TMEM94: variants seen among roughly 807,000 people sequenced by gnomAD.
TMEM94 encodes the protein ER Mg2+ ATPase.
A neutral mutation model predicts 158.6 loss-of-function variants in TMEM94; 81 were observed. That is an observed-to-expected ratio of 0.51 (90% CI 0.43 to 0.61). The LOEUF (loss-of-function observed/expected upper bound fraction) is 0.61, where lower values mean the gene tolerates loss of function less well. Among genes scored for constraint, TMEM94 ranks in the 20% least tolerant of loss-of-function variants. The pLI is 0.00. For missense variants in TMEM94, 1,435 were observed against 1,762.0 expected, an observed-to-expected ratio of 0.81 and a Z score of 3.32; for synonymous variants, 751 against 730.7, an observed-to-expected ratio of 1.03 and a Z score of -0.45.
In TMEM94 at chr17:75,493,667, A is replaced by G. The variant is rs764862693; in HGVS notation, c.2190-32A>G. ...GCACCTGCCCTTCACAGGCAGGAACACTCACCTCACCTCCGCCTGCTTCCC... is the reference window on the plus strand; with the variant it reads ...GCACCTGCCCTTCACAGGCAGGAACGCTCACCTCACCTCCGCCTGCTTCCC... On this transcript the variant is annotated intron_variant, in intron 17 of 31. Transcript: ENST00000314256. The G allele has an allele frequency of 1.2e-5, 20 of 1,612,788 alleles. No homozygotes were observed. In the East Asian group the frequency reaches 4.2e-4, roughly 34 times the overall value.
chr17:75,465,655 T>TATTTATATA (rs9302993), intron 1 of TMEM94, among the ~76,000 whole-genome samples: 92 of 98,850 alleles, frequency 9.3e-4, no homozygotes, highest in African/African-American at 3.8e-3. Flanking sequence ...ATAAGAATTT[T>TATTTATATA]TATATATATA....
intron 11 of TMEM94, 75 bp downstream of exon 11, chr17:75,490,833 C>A: frequency 7.3e-7 from 1 of 1,378,330 alleles, no homozygotes; most frequent in Non-Finnish European, 1.0e-6. Flanking sequence ...TATTTATGGC[C>A]TTAAAGCCTC....
At chr17:75,493,435 A>G in intron 16 of TMEM94, 56 bp from the exon 17 acceptor site, 1 of 1,546,460 alleles carries the variant, frequency 6.5e-7, no homozygotes, top group Non-Finnish European at 8.9e-7. Flanking sequence ...GTTGCCTGTC[A>G]GGTCAGCGTG....
In TMEM94 at chr17:75,499,852, G is replaced by A. The variant is rs2053126522; in HGVS notation, c.*518G>A. On this transcript the variant is annotated 3_prime_UTR_variant, in exon 32 of 32. Coordinates refer to ENST00000314256, the MANE Select transcript of TMEM94 (RefSeq NM_014738.6). ...GTGCCTCCCCTCCCTCCCTCTGTGG[G>A]GGAGTCTCCCGCCTGAACCTGAAGA... The A allele has an allele frequency of 6.3e-6, 1 of 158,394 alleles. No individual in the cohort carries two copies. The highest frequency in any genetic ancestry group is 5.9e-5 in the Admixed American group (1 of 16,886). 9.8% of individuals were successfully genotyped at this position (158,394 alleles called of 1,614,324 possible).
At chr17:75,479,353 T>C (rs2050969566) in intron 2 of TMEM94, among the ~76,000 whole-genome samples, 2 of 151,988 alleles carry the variant, frequency 1.3e-5, no homozygotes, top group Non-Finnish European at 2.9e-5. Flanking sequence ...GGAGTCTTGC[T>C]CTGTTGCCGA....
In TMEM94 at chr17:75,495,515, G is replaced by A. The variant is rs200772492; in HGVS notation, c.2845-29G>A. 1.3e-4 allele frequency: 202 copies of A among 1,610,364 alleles called. 1 individual carries two copies. The highest frequency in any genetic ancestry group is 4.9e-4 in the Middle Eastern group (3 of 6,068). On this transcript the variant is annotated intron_variant, in intron 21 of 31. Coordinates refer to ENST00000314256, the MANE Select transcript of TMEM94 (RefSeq NM_014738.6). This position sits in a 1 kb window ranked among gnomAD's most constrained non-coding sequence, Gnocchi z 5.6. The stretch of plus-strand genomic sequence containing the variant: ...GGGGAGGGATGCTGATCCCCATCCC[G>A]AAGCCGCTGGCATCTCTGCTTTCTC...
rs537401657 is a variant in TMEM94 at position 75,460,515 on chromosome 17, AT to A, written c.-107+3781del. 5.9e-3 allele frequency among the ~76,000 whole-genome samples: 834 copies of A among 140,548 alleles called. 5 individuals are homozygous for A. Among genetic ancestry groups the A allele is most frequent in the African/African-American group, 0.012 (448 of 37,910 alleles). 92.2% of individuals were successfully genotyped at this position (140,548 alleles called of 152,430 possible). The stretch of plus-strand genomic sequence containing the variant: ...GCAAAATCAGAATCAGGAGCTGCTG[AT>A]TTTTTTTTTTTTTTTTGAGACAGAA... On this transcript the variant is annotated intron_variant, in intron 1 of 31. Transcript: ENST00000314256.
Position 75,489,483 on chromosome 17 carries a change from C to A in TMEM94, c.868-93C>A. Reference sequence around the variant, plus strand: ...TGAATGCAGAGGGTCCCAGAGTGAGCCAGCCTGTGGAGTAGCAAAGGAAGG... The same window carrying A: ...TGAATGCAGAGGGTCCCAGAGTGAGACAGCCTGTGGAGTAGCAAAGGAAGG... On this transcript the variant is annotated intron_variant, in intron 8 of 31. Transcript: ENST00000314256. This position sits in a 1 kb window ranked among gnomAD's most constrained non-coding sequence, Gnocchi z 5.0. 1 of 1,483,658 alleles carries A rather than the reference C, an allele frequency of 6.7e-7. No individual in the cohort carries two copies. Among genetic ancestry groups the A allele is most frequent in the Non-Finnish European group, 9.4e-7 (1 of 1,062,896 alleles). The allele number at this position is 1,483,658 out of a possible 1,614,324, so 91.9% of individuals were successfully genotyped here.
Position 75,496,361 on chromosome 17 carries a change from G to A in TMEM94, c.3133G>A (p.Ala1045Thr), listed in dbSNP as rs2052681828. The change falls in exon 24 of 32, where the codon GCC becomes ACC. Residue 1045 changes from alanine (A) to threonine (T), a missense_variant. Transcript: ENST00000314256. ...GYATSISMAQ[A>T]SDGLSPLQLS... ...CGCCACCAGCATCAGCATGGCCCAGGCCTCGGATGGCCTTTCTCCCCTGCA... is the reference window on the plus strand; with the variant it reads ...CGCCACCAGCATCAGCATGGCCCAGACCTCGGATGGCCTTTCTCCCCTGCA... The A allele has an allele frequency of 1.2e-6, 2 of 1,614,072 alleles. No individual in the cohort carries two copies. Among genetic ancestry groups the A allele is most frequent in the Non-Finnish European group, 1.7e-6 (2 of 1,180,042 alleles).
In TMEM94 at chr17:75,487,903, GGTT is replaced by G; in HGVS notation, c.410-25_410-23del. On this transcript the variant is annotated intron_variant, in intron 5 of 31. Coordinates refer to ENST00000314256, the MANE Select transcript of TMEM94 (RefSeq NM_014738.6). The surrounding 1 kb of genome is among the most constrained non-coding windows in gnomAD (Gnocchi z 4.6). ...TGGGGGGCAGGGCCGTGGCTGAGAG[GGTT>G]GTTTCCCTCTTTCCATTCCCCTCAG... is the stretch of plus-strand genomic sequence containing the variant. 1 of 1,594,524 alleles carries G rather than the reference GGTT, an allele frequency of 6.3e-7. No homozygotes were observed. Among genetic ancestry groups the G allele is most frequent in the Non-Finnish European group, 8.6e-7 (1 of 1,163,348 alleles).
chr17:75,482,743 T>C (rs2051279789), intron 2 of TMEM94, among the ~76,000 whole-genome samples: 2 of 152,204 alleles, frequency 1.3e-5, no homozygotes, highest in African/African-American at 4.8e-5. Flanking sequence ...CCTGTTGCTG[T>C]TTCATTGGGA....
Position 75,493,060 on chromosome 17 carries a change from C to T in TMEM94, c.2044C>T (p.Leu682Phe). The part of the protein sequence containing the change: ...LSCVTKRRPP[L>F]SHMISLFIKD... ...CTGTGTCACCAAGCGGCGGCCTCCC[C>T]TCAGCCACATGATCAGCCTCTTCAT... is the stretch of plus-strand genomic sequence containing the variant. Residue 682 changes from leucine (L) to phenylalanine (F), a missense_variant, in exon 16 of 32, where the codon CTC (leucine) becomes TTC (phenylalanine). Coordinates refer to ENST00000314256, the MANE Select transcript of TMEM94 (RefSeq NM_014738.6). 1.2e-6 allele frequency: 2 copies of T among 1,613,500 alleles called. No individual in the cohort carries two copies. Among genetic ancestry groups the T allele is most frequent in the Non-Finnish European group, 1.7e-6 (2 of 1,180,022 alleles).
At chr17:75,467,189 G>A (rs1268897325) in intron 1 of TMEM94, among the ~76,000 whole-genome samples, 3 of 151,668 alleles carry the variant, frequency 2.0e-5, no homozygotes, top group South Asian at 4.2e-4. Flanking sequence ...TGTCCAGGTT[G>A]GTCTGGAACT....
Position 75,499,365 on chromosome 17 carries a change from C to T in TMEM94, c.*31C>T, listed in dbSNP as rs375858168. 35 of 1,590,258 alleles carry T rather than the reference C, an allele frequency of 2.2e-5. No individual in the cohort carries two copies. The highest frequency in any genetic ancestry group is 1.8e-4 in the South Asian group (16 of 90,630). Reference sequence around the variant, plus strand: ...TGGCTGTGGTGGCTGTAGTTGCCCCCGTCCCTGGGGCTAAAGCCAGACCCA... The same window carrying T: ...TGGCTGTGGTGGCTGTAGTTGCCCCTGTCCCTGGGGCTAAAGCCAGACCCA... On this transcript the variant is annotated 3_prime_UTR_variant, in exon 32 of 32. Coordinates refer to ENST00000314256, the MANE Select transcript of TMEM94 (RefSeq NM_014738.6).
In TMEM94 at chr17:75,495,049, G is replaced by C; in HGVS notation, c.2728+15G>C. On this transcript the variant is annotated intron_variant, in intron 20 of 31. Coordinates refer to ENST00000314256, the MANE Select transcript of TMEM94 (RefSeq NM_014738.6). The surrounding 1 kb of genome is among the most constrained non-coding windows in gnomAD (Gnocchi z 5.6). ...CCTGAATCAGGGTAAGGGCAAAGGC[G>C]TGGGGTGGGGACGGGGTGGCGGTGG... The C allele has an allele frequency of 6.2e-7, 1 of 1,610,228 alleles. No individual in the cohort carries two copies. The highest frequency in any genetic ancestry group is 8.5e-7 in the Non-Finnish European group (1 of 1,178,156).
At position 75,485,313 on chromosome 17, in the gene TMEM94, G is replaced by C; in HGVS notation, c.25-115G>C. 1 of 1,211,192 alleles carries C rather than the reference G, an allele frequency of 8.3e-7. No individual in the cohort carries two copies. The highest frequency in any genetic ancestry group is 1.2e-6 in the Non-Finnish European group (1 of 865,746). The allele number at this position is 1,211,192 out of a possible 1,614,324, so 75.0% of individuals were successfully genotyped here. On this transcript the variant is annotated intron_variant, in intron 2 of 31. Coordinates refer to ENST00000314256, the MANE Select transcript of TMEM94 (RefSeq NM_014738.6). The surrounding 1 kb of genome is among the most constrained non-coding windows in gnomAD (Gnocchi z 5.5). ...CCAGAGCTGGTAGGGGAAGAGATGT[G>C]AGGATCCCAGAGGAGGGGAAGGATG...
At chr17:75,476,784 G>C in intron 2 of TMEM94, 4 of 1,535,452 alleles carry the variant, frequency 2.6e-6, no homozygotes, top group Non-Finnish European at 3.5e-6. Context: ...TCTTTAAAAT[G>C]CTGTGTTCCC....
At position 75,492,228 on chromosome 17, in the gene TMEM94, C is replaced by T. The variant is rs934058725; in HGVS notation, c.1597-246C>T. On this transcript the variant is annotated intron_variant, in intron 14 of 31. Transcript: ENST00000314256. This position sits in a 1 kb window ranked among gnomAD's most constrained non-coding sequence, Gnocchi z 4.4. Reference sequence around the variant, plus strand: ...CTGTGTCCTCTTTGGTCTGGCCACCCCTCTTTTTAGCTCCTGCCAGTGTCA... The same window carrying T: ...CTGTGTCCTCTTTGGTCTGGCCACCTCTCTTTTTAGCTCCTGCCAGTGTCA... 1 of 1,417,058 alleles carries T rather than the reference C, an allele frequency of 7.1e-7. No individual in the cohort carries two copies. The highest frequency in any genetic ancestry group is 9.2e-7 in the Non-Finnish European group (1 of 1,089,720). 87.8% of individuals were successfully genotyped at this position (1,417,058 alleles called of 1,614,324 possible). A position where few individuals can be genotyped will look rare whatever the true frequency, so the allele number is the denominator to read the frequency against.
Position 75,498,063 on chromosome 17 carries a change from C to T in TMEM94, c.3490-112C>T. 2 of 1,426,948 alleles carry T rather than the reference C, an allele frequency of 1.4e-6. No individual in the cohort carries two copies. The highest frequency in any genetic ancestry group is 1.9e-6 in the Non-Finnish European group (2 of 1,040,010). The allele number at this position is 1,426,948 out of a possible 1,614,324, so 88.4% of individuals were successfully genotyped here. On this transcript the variant is annotated intron_variant, in intron 27 of 31. Coordinates refer to ENST00000314256, the MANE Select transcript of TMEM94 (RefSeq NM_014738.6). The surrounding 1 kb of genome is among the most constrained non-coding windows in gnomAD (Gnocchi z 6.7). ...AGACCCTTGCTGGGGCTTGAGCTCC[C>T]TATCCCCCCAGGCCTGACCATTTAC...
Sources: gnomAD v4.1 joint callset for allele counts (sites outside exome capture counted in the v4.1 genomes callset) on GRCh38, gnomAD v4.1.1 for gene constraint, Gnocchi (gnomAD v3.1) non-coding constraint, MANE v1.5 for transcripts, NCBI Gene and HGNC (gene_info 2026-07-23, HGNC 2026-07-21) for gene names.